BLTP1: variants seen among roughly 807,000 people sequenced by gnomAD.
BLTP1 encodes bridge-like lipid transfer protein family member 1, also known as fragile site-associated protein.
At chr4:122,228,666 T>C in the BLTP1 span, among the ~76,000 whole-genome samples, 1 of 151,978 alleles carries the variant, frequency 6.6e-6, no homozygotes, top group Admixed American at 6.6e-5. Context: ...GTTTTAGGAG[T>C]AAAATAAAAT....
At chr4:122,258,867 A>G in the BLTP1 span, 1 of 1,482,184 alleles carries the variant, frequency 6.7e-7, no homozygotes, top group Non-Finnish European at 9.2e-7. Context: ...CTTTTTGGTT[A>G]GAGTTATCCA....
At chr4:122,306,429 C>T in the BLTP1 span, 1 of 273,638 alleles carries the variant, frequency 3.7e-6, no homozygotes. Flanking sequence ...TCCCTGCCCT[C>T]AAGGACCTGT....
At chr4:122,197,425 A>G in the BLTP1 span, 1 of 989,970 alleles carries the variant, frequency 1.0e-6, no homozygotes, top group Non-Finnish European at 1.3e-6. Flanking sequence ...TTAAAGGGAA[A>G]TATTATATAA....
the BLTP1 span, chr4:122,249,913 G>A: frequency 1.0e-6 from 1 of 984,804 alleles, no homozygotes; most frequent in South Asian, 4.7e-5. Context: ...ACAACAATAT[G>A]TTTTTCCGAA....
chr4:122,267,051 ATTTTTT>A, the BLTP1 span: 2,874 of 151,854 alleles, frequency 0.019, 2 homozygotes, highest in Non-Finnish European at 0.024. Flanking sequence ...TAAGGAAGTA[ATTTTTT>A]TTTTTTTTTT....
the BLTP1 span, chr4:122,264,260 C>G: frequency 6.2e-7 from 1 of 1,600,716 alleles, no homozygotes; most frequent in East Asian, 2.2e-5. Flanking sequence ...AGGTGTTGCA[C>G]CCAATCTTCC....
the BLTP1 span, chr4:122,230,215 G>A: frequency 6.2e-7 from 1 of 1,610,342 alleles, no homozygotes; most frequent in Non-Finnish European, 8.5e-7. Flanking sequence ...CTAAGAGGTA[G>A]GTGAAAATGT....
chr4:122,300,547 G>C, the BLTP1 span, among the ~76,000 whole-genome samples: 2 of 151,754 alleles, frequency 1.3e-5, no homozygotes, highest in South Asian at 2.1e-4. Context: ...TTCTGTTCTA[G>C]TAGAAAACTA....
chr4:122,262,148 TTG>T, the BLTP1 span, among the ~76,000 whole-genome samples: 5,119 of 133,462 alleles, frequency 0.038, 202 homozygotes, highest in African/African-American at 0.1. Context: ...TACAGATCCT[TTG>T]TGTGTGTGTG....
chr4:122,325,837 C>G, the BLTP1 span: 281 of 946,668 alleles, frequency 3.0e-4, 1 homozygote, highest in African/African-American at 5.4e-3. Flanking sequence ...TTTTACTTTT[C>G]TCATTATTTT....
chr4:122,240,385 T>C, the BLTP1 span: 10 of 1,553,784 alleles, frequency 6.4e-6, no homozygotes, highest in Admixed American at 3.9e-5. Context: ...TCCATTGATA[T>C]CTTGATTTAG....
At chr4:122,268,635 T>C in the BLTP1 span, among the ~76,000 whole-genome samples, 1 of 152,194 alleles carries the variant, frequency 6.6e-6, no homozygotes, top group Non-Finnish European at 1.5e-5. Flanking sequence ...CACCGTTCAA[T>C]TGATCTTCCC....
the BLTP1 span, chr4:122,222,024 C>A: frequency 2.3e-6 from 1 of 436,814 alleles, no homozygotes; most frequent in Non-Finnish European, 3.0e-6. Flanking sequence ...TAAAGTATGA[C>A]TTATTTGGGG....
chr4:122,190,949 G>A, the BLTP1 span, among the ~76,000 whole-genome samples: 4 of 152,068 alleles, frequency 2.6e-5, no homozygotes, highest in African/African-American at 9.7e-5. Context: ...TTGTGCTAAT[G>A]GTGCAGAGCA....
the BLTP1 span, among the ~76,000 whole-genome samples, chr4:122,288,186 ACC>A: frequency 1.3e-5 from 2 of 152,168 alleles, no homozygotes; most frequent in African/African-American, 4.8e-5. Context: ...GAAATTTAAT[ACC>A]TTGTACTAAT....
chr4:122,273,189 C>A, the BLTP1 span: 1 of 950,834 alleles, frequency 1.1e-6, no homozygotes, highest in Non-Finnish European at 1.3e-6. Flanking sequence ...TTATTGTTAA[C>A]TTTATGATTC....
At chr4:122,166,757 T>C in the BLTP1 span, among the ~76,000 whole-genome samples, 2 of 152,160 alleles carry the variant, frequency 1.3e-5, no homozygotes, top group African/African-American at 4.8e-5. Context: ...CCTTGAGCAG[T>C]GGTTTGTAGT....
chr4:122,340,017 T>C, the BLTP1 span, among the ~76,000 whole-genome samples: 1 of 152,028 alleles, frequency 6.6e-6, no homozygotes, highest in Admixed American at 6.6e-5. Flanking sequence ...AGATCACACA[T>C]GCAAATGGTA....
chr4:122,267,606 A>T, the BLTP1 span: 1 of 976,262 alleles, frequency 1.0e-6, no homozygotes, highest in Non-Finnish European at 1.2e-6. Flanking sequence ...TTGACGTGTC[A>T]GGTAGTATTT....
Sources: allele counts gnomAD v4.1 joint callset (sites outside exome capture counted in the v4.1 genomes callset), GRCh38; gene constraint gnomAD v4.1.1; transcripts MANE v1.5; gene names NCBI Gene and HGNC (gene_info 2026-07-23, HGNC 2026-07-21).